Variants in KHDRBS2 observed in about 807,000 individuals in gnomAD.
The protein encoded by KHDRBS2 is KH RNA binding domain containing, signal transduction associated 2.
In KHDRBS2, 26 loss-of-function variants were observed where a neutral mutation model predicts 44.3. The observed-to-expected ratio is 0.59, with a 90% CI of 0.43 to 0.81. The LOEUF (loss-of-function observed/expected upper bound fraction) is 0.81, where lower values mean the gene tolerates loss of function less well. KHDRBS2 is among the 40% of genes least tolerant of loss of function. The probability of loss-of-function intolerance (pLI) is 0.00; values close to 1 mark genes in which losing one functional copy is unlikely to be tolerated. For missense variants in KHDRBS2, 476 were observed against 433.1 expected (o/e 1.10, Z -0.88); for synonymous variants, 194 against 151.1 (o/e 1.28, Z -2.08).
intron 2 of KHDRBS2, among the ~76,000 whole-genome samples, chr6:62,062,772 G>T (rs373061005): frequency 2.0e-5 from 3 of 147,020 alleles, no homozygotes; most frequent in African/African-American, 7.5e-5. Context: ...AAGAAATAAC[G>T]AAAATCAGAG....
At chr6:61,947,011 C>A (rs1813511669) in intron 4 of KHDRBS2, among the ~76,000 whole-genome samples, 1 of 152,112 alleles carries the variant, frequency 6.6e-6, no homozygotes, top group Non-Finnish European at 1.5e-5. Flanking sequence ...ACAGAAATAT[C>A]ATCTTTTAAA....
the KHDRBS2 span, among the ~76,000 whole-genome samples, chr6:61,577,371 C>T: frequency 6.6e-6 from 1 of 152,084 alleles, no homozygotes; most frequent in Non-Finnish European, 1.5e-5. Flanking sequence ...GAGGAGGAAA[C>T]ACAGATTCAT....
chr6:62,031,886 C>T (rs1784397965), intron 3 of KHDRBS2, among the ~76,000 whole-genome samples: 1 of 152,040 alleles, frequency 6.6e-6, no homozygotes, highest in South Asian at 2.1e-4. Context: ...CTTGAACAAA[C>T]ATAGGCAGTA....
chr6:62,172,923 G>A (rs933125798), intron 2 of KHDRBS2, among the ~76,000 whole-genome samples: 4 of 150,326 alleles, frequency 2.7e-5, no homozygotes, highest in African/African-American at 1.0e-4. Context: ...GAGTCACTGG[G>A]ACACAACTAA....
At chr6:61,608,974 A>T in the KHDRBS2 span, among the ~76,000 whole-genome samples, 1 of 152,230 alleles carries the variant, frequency 6.6e-6, no homozygotes, top group Non-Finnish European at 1.5e-5. Flanking sequence ...CTGCTGGGTC[A>T]AATGGTATAT....
chr6:61,553,442 A>G, the KHDRBS2 span, among the ~76,000 whole-genome samples: 1 of 151,008 alleles, frequency 6.6e-6, no homozygotes, highest in East Asian at 1.9e-4. Flanking sequence ...TTATTTCTTC[A>G]GAAAACCAAC....
At chr6:61,573,054 G>A in the KHDRBS2 span, among the ~76,000 whole-genome samples, 1 of 152,044 alleles carries the variant, frequency 6.6e-6, no homozygotes, top group Non-Finnish European at 1.5e-5. Context: ...TTATATGATT[G>A]TGTACCTAGA....
intron 6 of KHDRBS2, among the ~76,000 whole-genome samples, chr6:61,776,360 C>T (rs1270121597): frequency 1.3e-5 from 2 of 151,912 alleles, no homozygotes; most frequent in African/African-American, 4.8e-5. Context: ...AGGCAACCTA[C>T]AAAATGGGAG....
chr6:61,605,962 A>G, the KHDRBS2 span, among the ~76,000 whole-genome samples: 1 of 152,086 alleles, frequency 6.6e-6, no homozygotes, highest in Non-Finnish European at 1.5e-5. Context: ...ACATTCCACC[A>G]CAAAAGAAGT....
intron 2 of KHDRBS2, among the ~76,000 whole-genome samples, chr6:62,136,847 A>T (rs895886636): frequency 6.6e-6 from 1 of 152,142 alleles, no homozygotes; most frequent in Non-Finnish European, 1.5e-5. Flanking sequence ...CTTTGTTGAC[A>T]TAAGTAAGAA....
the KHDRBS2 span, among the ~76,000 whole-genome samples, chr6:61,566,656 T>C: frequency 6.6e-6 from 1 of 152,170 alleles, no homozygotes; most frequent in African/African-American, 2.4e-5. Flanking sequence ...TCTCTTTCAC[T>C]GTCATAATTT....
rs201911104 is a variant in KHDRBS2 at position 62,117,152 on chromosome 6, A to AT, written c.219+60032dup. On this transcript the variant is annotated intron_variant, in intron 2 of 8. Transcript: ENST00000281156. ...TAGATCATATGGTAAATCTAGTTTT[A>AT]TTTTTTTTTGAGGATCCTCCACTCT... is the stretch of plus-strand genomic sequence containing the variant. Among the ~76,000 whole-genome samples the AT allele has an allele frequency of 4.2e-3, 637 of 151,156 alleles. 9 individuals are homozygous for AT. The South Asian group carries it at 0.053, about 12-fold the overall frequency.
At chr6:61,551,684 AT>A in the KHDRBS2 span, among the ~76,000 whole-genome samples, 11 of 152,000 alleles carry the variant, frequency 7.2e-5, no homozygotes, top group African/African-American at 2.7e-4. Context: ...GGTGTGCAGC[AT>A]TATTTCTGGA....
the KHDRBS2 span, among the ~76,000 whole-genome samples, chr6:61,554,807 C>A: frequency 6.6e-6 from 1 of 152,164 alleles, no homozygotes; most frequent in Non-Finnish European, 1.5e-5. Flanking sequence ...GTCAGAAATT[C>A]TTCTCTTTAA....
intron 2 of KHDRBS2, among the ~76,000 whole-genome samples, chr6:62,159,326 T>C (rs1342819348): frequency 3.9e-5 from 6 of 152,188 alleles, no homozygotes; most frequent in Non-Finnish European, 8.8e-5. Context: ...TTTATTCTTA[T>C]ACTTTAACTC....
intron 3 of KHDRBS2, among the ~76,000 whole-genome samples, chr6:62,032,909 A>G (rs528526765): frequency 1.7e-4 from 26 of 152,108 alleles, no homozygotes; most frequent in African/African-American, 6.0e-4. Flanking sequence ...GAGATATGTG[A>G]CCTTTCAGAC....
At chr6:62,142,901 C>A (rs917296514) in intron 2 of KHDRBS2, among the ~76,000 whole-genome samples, 4 of 146,478 alleles carry the variant, frequency 2.7e-5, no homozygotes, top group Admixed American at 1.3e-4. Context: ...ACTGAATTGA[C>A]TTGATTTGTG....
intron 2 of KHDRBS2, among the ~76,000 whole-genome samples, chr6:62,072,824 A>C (rs193176006): frequency 6.6e-6 from 1 of 152,108 alleles, no homozygotes; most frequent in Admixed American, 6.6e-5. Flanking sequence ...TGTCTCTGCC[A>C]GGCTTTGGTA....
At chr6:61,743,227 G>A (rs1582543237) in intron 6 of KHDRBS2, among the ~76,000 whole-genome samples, 1 of 152,106 alleles carries the variant, frequency 6.6e-6, no homozygotes, top group Admixed American at 6.6e-5. Context: ...GTAAAAGCCA[G>A]TATGTGACAC....
Sources: allele counts gnomAD v4.1 joint callset (sites outside exome capture counted in the v4.1 genomes callset), GRCh38; gene constraint gnomAD v4.1.1; transcripts MANE v1.5; gene names NCBI Gene and HGNC (gene_info 2026-07-23, HGNC 2026-07-21).